EVL: variants seen among roughly 807,000 people sequenced by gnomAD.
EVL encodes the protein ena/VASP-like protein.
EVL carries 21 observed loss-of-function variants against 59.6 expected under a neutral mutation model. The observed-to-expected ratio is 0.35, with a 90% confidence interval of 0.25 to 0.51. The LOEUF (loss-of-function observed/expected upper bound fraction) is 0.51, where lower values mean the gene tolerates loss of function less well. EVL is among the 20% of genes least tolerant of loss of function. The probability of loss-of-function intolerance (pLI) is 0.97; values close to 1 mark genes in which losing one functional copy is unlikely to be tolerated. For missense variants in EVL, 462 were observed against 546.6 expected (o/e 0.85, Z 1.54); for synonymous variants, 198 against 203.5 (o/e 0.97, Z 0.23).
At chr14:100,128,014 T>TG (rs1888188565) in intron 5 of EVL, among the ~76,000 whole-genome samples, 1 of 152,206 alleles carries the variant, frequency 6.6e-6, no homozygotes, top group Admixed American at 6.5e-5. Context: ...TGGATGATGC[T>TG]GGAGCCCAGC....
At chr14:100,115,460 G>A (rs1373196750) in intron 3 of EVL, among the ~76,000 whole-genome samples, 1 of 152,250 alleles carries the variant, frequency 6.6e-6, no homozygotes, top group Non-Finnish European at 1.5e-5. Flanking sequence ...CCTTGTTAGT[G>A]CATGACTGCA....
intron 4 of EVL, 32 bp downstream of exon 4, chr14:100,123,634 C>A: frequency 6.2e-7 from 1 of 1,611,956 alleles, no homozygotes; most frequent in South Asian, 1.1e-5. Flanking sequence ...CCAGGCTGGT[C>A]ATCTCCCAAT....
chr14:100,050,316 G>A (rs1237167695), intron 1 of EVL, among the ~76,000 whole-genome samples: 2 of 150,970 alleles, frequency 1.3e-5, no homozygotes, highest in African/African-American at 2.4e-5. Flanking sequence ...ACGTGTCCTT[G>A]CTTTTTTAAA....
chr14:100,042,519 C>T (rs1008827332), intron 1 of EVL, among the ~76,000 whole-genome samples: 1 of 152,150 alleles, frequency 6.6e-6, no homozygotes, highest in Admixed American at 6.5e-5. Context: ...ACGCTGCCTC[C>T]TTAAACTCCC....
At chr14:99,986,427 C>T (rs1300623490) in intron 1 of EVL, among the ~76,000 whole-genome samples, 1 of 152,030 alleles carries the variant, frequency 6.6e-6, no homozygotes, top group Non-Finnish European at 1.5e-5. Flanking sequence ...ATGCTCTCCT[C>T]AATTTGTATC....
intron 7 of EVL, 44 bp downstream of exon 7, chr14:100,129,728 G>A: frequency 6.7e-7 from 1 of 1,500,872 alleles, no homozygotes; most frequent in Non-Finnish European, 8.9e-7. Flanking sequence ...CTAGCAGGAA[G>A]CTCCTGCCCC....
At chr14:99,975,725 GTAATGCTC>G (rs2140166347) in intron 1 of EVL, among the ~76,000 whole-genome samples, 1 of 152,348 alleles carries the variant, frequency 6.6e-6, no homozygotes, top group East Asian at 1.9e-4. Flanking sequence ...ACTGCAGGCA[GTAATGCTC>G]ACTCATCTGC....
intron 1 of EVL, among the ~76,000 whole-genome samples, chr14:100,078,770 G>A (rs377221555): frequency 1.3e-5 from 2 of 152,134 alleles, no homozygotes; most frequent in African/African-American, 2.4e-5. Context: ...TGGTTTGCCC[G>A]GGATTATCCC....
Position 100,114,423 on chromosome 14 carries a change from A to G in EVL, c.359-9116A>G, listed in dbSNP as rs1887199174. On this transcript the variant is annotated intron_variant, in intron 3 of 13. Coordinates refer to ENST00000392920, the MANE Select transcript of EVL (RefSeq NM_016337.3). This position sits in a 1 kb window ranked among gnomAD's most constrained non-coding sequence, Gnocchi z 5.0. ...GAGCTGAGCCCCACAAGGGGTCTGG[A>G]CAGTCCTCCAGGGCCAGGGCCCTGG... is the stretch of plus-strand genomic sequence containing the variant. The G allele has an allele frequency of 6.6e-6, 1 of 152,400 alleles. No individual in the cohort carries two copies. Among genetic ancestry groups the G allele is most frequent in the African/African-American group, 2.4e-5 (1 of 41,440 alleles). 9.4% of individuals were successfully genotyped at this position (152,400 alleles called of 1,614,324 possible).
chr14:99,999,706 G>A (rs1354827705), intron 1 of EVL, among the ~76,000 whole-genome samples: 3 of 152,140 alleles, frequency 2.0e-5, no homozygotes, highest in Admixed American at 6.5e-5. Flanking sequence ...CCTTTGAGGC[G>A]CCATGGATTG....
At chr14:99,995,050 T>C (rs1394460314) in intron 1 of EVL, among the ~76,000 whole-genome samples, 1 of 152,152 alleles carries the variant, frequency 6.6e-6, no homozygotes, top group Non-Finnish European at 1.5e-5. Context: ...ACATGAAGAG[T>C]CACCTTTCTC....
chr14:100,115,521 G>A (rs1887284221), intron 3 of EVL, among the ~76,000 whole-genome samples: 1 of 152,252 alleles, frequency 6.6e-6, no homozygotes, highest in Non-Finnish European at 1.5e-5. Flanking sequence ...ACTCTCTGAA[G>A]TGCCATCCCC....
intron 1 of EVL, among the ~76,000 whole-genome samples, chr14:99,990,829 A>T (rs1257187453): frequency 6.6e-6 from 1 of 152,238 alleles, no homozygotes; most frequent in African/African-American, 2.4e-5. Flanking sequence ...GTATGCAGAT[A>T]TCTCTTCAAG....
exon 1 of EVL, chr14:99,971,819 C>T (rs950574118): frequency 6.8e-6 from 1 of 146,098 alleles, no homozygotes; most frequent in Non-Finnish European, 1.5e-5. Context: ...GCCAAGATGG[C>T]AGGGGCCGGG....
chr14:100,125,851 G>C (rs866813146), intron 4 of EVL, among the ~76,000 whole-genome samples: 4 of 152,144 alleles, frequency 2.6e-5, no homozygotes, highest in African/African-American at 4.8e-5. Flanking sequence ...ACCACGCCCA[G>C]CCATTCCATA....
chr14:99,980,783 A>G (rs1430215216), intron 1 of EVL, among the ~76,000 whole-genome samples: 1 of 152,158 alleles, frequency 6.6e-6, no homozygotes. Context: ...TGCCATTACC[A>G]TATTTACCTT....
At chr14:100,131,652 G>A (rs973456614) in intron 7 of EVL, among the ~76,000 whole-genome samples, 1 of 152,206 alleles carries the variant, frequency 6.6e-6, no homozygotes, top group African/African-American at 2.4e-5. Context: ...CTGCTGGGGG[G>A]TAGCTGGTGA....
chr14:100,014,192 C>T (rs977367428), intron 1 of EVL, among the ~76,000 whole-genome samples: 3 of 152,118 alleles, frequency 2.0e-5, no homozygotes, highest in Admixed American at 6.5e-5. Flanking sequence ...ATTGGTTACC[C>T]ATGAACATCC....
At chr14:100,133,189 A>G (rs961762803) in intron 8 of EVL, among the ~76,000 whole-genome samples, 45 of 152,206 alleles carry the variant, frequency 3.0e-4, no homozygotes, top group Admixed American at 9.8e-4. Context: ...TTCTGTTTCT[A>G]AAGACTCCTC....
Sources: gnomAD v4.1 joint callset for allele counts (sites outside exome capture counted in the v4.1 genomes callset) on GRCh38, gnomAD v4.1.1 for gene constraint, Gnocchi (gnomAD v3.1) non-coding constraint, MANE v1.5 for transcripts, NCBI Gene and HGNC (gene_info 2026-07-23, HGNC 2026-07-21) for gene names.